CAND1: variants seen among roughly 807,000 people sequenced by gnomAD.
The protein encoded by CAND1 is cullin-associated NEDD8-dissociated protein 1.
CAND1 carries 7 observed loss-of-function variants against 108.5 expected under a neutral mutation model. The observed-to-expected ratio is 0.06, with a 90% CI of 0.04 to 0.12. The LOEUF is 0.12. Ranked by LOEUF, CAND1 falls within the 10% of genes least tolerant of loss-of-function variation. The pLI, the probability that CAND1 is intolerant of heterozygous loss-of-function variation, is 1.00. For missense variants in CAND1, 941 were observed against 1,448.7 expected (o/e 0.65, Z 5.69); for synonymous variants, 534 against 512.0 (o/e 1.04, Z -0.58).
chr12:67,287,310 A>T (rs1379443274), intron 2 of CAND1, among the ~76,000 whole-genome samples: 1 of 152,188 alleles, frequency 6.6e-6, no homozygotes, highest in Non-Finnish European at 1.5e-5. Flanking sequence ...TCTCAAGAGT[A>T]GTTTAGTTTT....
rs1337057372 is a variant in CAND1, at chr12:67,299,061, A to G, written c.966A>G (p.Ala322=). The change falls in exon 7 of 15, where the codon GCA becomes GCG. Residue 322 remains alanine (A), a synonymous_variant. Coordinates refer to ENST00000545606, the MANE Select transcript of CAND1 (RefSeq NM_018448.5). ...NYDDEDEDEN[A]MDADGGDDDD... ...ATGATGAAGATGAAGATGAAAATGCAATGGATGCTGATGGTGGTGATGATG... is the reference window on the plus strand; with the variant it reads ...ATGATGAAGATGAAGATGAAAATGCGATGGATGCTGATGGTGGTGATGATG... 1 of 1,521,434 alleles carries G rather than the reference A, an allele frequency of 6.6e-7. No homozygotes were observed. The highest frequency in any genetic ancestry group is 1.4e-5 in the African/African-American group (1 of 72,438). 94.2% of individuals were successfully genotyped at this position (1,521,434 alleles called of 1,614,324 possible). A position where few individuals can be genotyped will look rare whatever the true frequency, so the allele number is the denominator to read the frequency against.
At position 67,315,046 on chromosome 12, in the gene CAND1, G is replaced by A. The variant is rs1565733285; in HGVS notation, c.*2216G>A. On this transcript the variant is annotated 3_prime_UTR_variant, in exon 15 of 15. Coordinates refer to ENST00000545606, the MANE Select transcript of CAND1 (RefSeq NM_018448.5). The stretch of plus-strand genomic sequence containing the variant: ...TAGTAATATTAAGGTGTTAAACTTA[G>A]GAATTTGTCACATGTAGGTTCCTGA... 1 of 152,182 alleles carries A rather than the reference G, an allele frequency of 6.6e-6. No homozygotes were observed. The highest frequency in any genetic ancestry group is 2.1e-4 in the South Asian group (1 of 4,832). The allele number at this position is 152,182 out of a possible 1,614,324, so 9.4% of individuals were successfully genotyped here.
At chr12:67,276,918 GT>G (rs1274300516) in intron 1 of CAND1, among the ~76,000 whole-genome samples, 2 of 152,168 alleles carry the variant, frequency 1.3e-5, no homozygotes, top group Non-Finnish European at 1.5e-5. Context: ...CGGAGATTTT[GT>G]TAAGATCAGA....
chr12:67,279,084 C>T (rs1281703985), intron 1 of CAND1, among the ~76,000 whole-genome samples: 1 of 151,864 alleles, frequency 6.6e-6, no homozygotes, highest in Non-Finnish European at 1.5e-5. Context: ...AGCCTATATT[C>T]CCATCATCTT....
rs749743582 is a variant in CAND1, at chr12:67,306,555, C to T, written c.2887C>T (p.Pro963Ser). 6.2e-7 allele frequency: 1 copy of T among 1,613,682 alleles called. No individual in the cohort carries two copies. The highest frequency in any genetic ancestry group is 1.1e-5 in the South Asian group (1 of 91,036). ...ECLGKLTLID[P>S]ETLLPRLKGY... Reference sequence around the variant, plus strand: ...TCTAGGAAAACTCACTCTAATTGATCCAGAAACTCTCCTTCCACGGCTTAA... The same window carrying T: ...TCTAGGAAAACTCACTCTAATTGATTCAGAAACTCTCCTTCCACGGCTTAA... Residue 963 changes from proline to serine, a missense_variant, in exon 10 of 15, where the codon CCA (proline) becomes TCA (serine). Physicochemically the swap from Pro to Ser is moderately conservative, Grantham distance 74. Coordinates refer to ENST00000545606, the MANE Select transcript of CAND1 (RefSeq NM_018448.5).
chr12:67,298,317 C>CCTTCT, intron 6 of CAND1, among the ~76,000 whole-genome samples: 1 of 152,168 alleles, frequency 6.6e-6, no homozygotes, highest in African/African-American at 2.4e-5. Context: ...TACTAGAAGG[C>CCTTCT]AATACAAGAT....
chr12:67,271,777 G>A (rs2044522931), intron 1 of CAND1, among the ~76,000 whole-genome samples: 1 of 152,138 alleles, frequency 6.6e-6, no homozygotes, highest in Non-Finnish European at 1.5e-5. Context: ...GTATATTTAG[G>A]AGCAGTACGT....
At chr12:67,270,982 C>T (rs2044515995) in intron 1 of CAND1, among the ~76,000 whole-genome samples, 1 of 152,046 alleles carries the variant, frequency 6.6e-6, no homozygotes, top group Non-Finnish European at 1.5e-5. Flanking sequence ...AAGAACTTTT[C>T]GGATTTGTGA....
In CAND1 at chr12:67,312,646, A is replaced by T; in HGVS notation, c.3509A>T (p.Asp1170Val). 6.2e-7 allele frequency: 1 copy of T among 1,611,924 alleles called. No homozygotes were observed. The highest frequency in any genetic ancestry group is 1.1e-5 in the South Asian group (1 of 90,600). The change falls in exon 15 of 15, where the codon GAT (aspartate) becomes GTT (valine). Residue 1170 changes from aspartate to valine, a missense_variant. Coordinates refer to ENST00000545606, the MANE Select transcript of CAND1 (RefSeq NM_018448.5). ...NSVKQEFEKQ[D>V]ELKRSAMRAV... ...GTAAAGCAGGAGTTTGAAAAACAAG[A>T]TGAATTAAAGCGATCTGCCATGAGA...
rs569164592 is a variant in CAND1 at position 67,306,151 on chromosome 12, C to A, written c.2483C>A (p.Ser828Ter). Residue 828 changes from serine (S) to a stop codon, truncating the protein, a stop_gained, in exon 10 of 15, where the codon TCA becomes TAA. Transcript: ENST00000545606. LOFTEE classifies it high-confidence loss of function. ...CAGTTTATTCAAGATGTCAAGAACT[C>A]AAGGTCTACAGATTCCATTCGTCTC... ...VGQFIQDVKN[S>*]RSTDSIRLLA... 1 of 1,614,094 alleles carries A rather than the reference C, an allele frequency of 6.2e-7. No homozygotes were observed. The highest frequency in any genetic ancestry group is 1.3e-5 in the African/African-American group (1 of 75,040).
chr12:67,277,112 A>G (rs1011525037), intron 1 of CAND1, among the ~76,000 whole-genome samples: 4 of 152,194 alleles, frequency 2.6e-5, no homozygotes, highest in Non-Finnish European at 5.9e-5. Flanking sequence ...CTTTCCTGCT[A>G]GCTCATCCTT....
intron 2 of CAND1, among the ~76,000 whole-genome samples, chr12:67,289,785 C>A (rs1250654271): frequency 2.6e-5 from 4 of 152,138 alleles, no homozygotes; most frequent in Non-Finnish European, 5.9e-5. Flanking sequence ...TTTCAGTTAT[C>A]ACTGTCTTCA....
chr12:67,269,485 C>CGAACAGCTCA lies in CAND1; in HGVS notation c.-233_-232insGAACAGCTCA. 1.9e-6 allele frequency: 1 copy of CGAACAGCTCA among 522,986 alleles called. No homozygotes were observed. The highest frequency in any genetic ancestry group is 2.4e-5 in the South Asian group (1 of 40,824). The allele number at this position is 522,986 out of a possible 1,614,324, so 32.4% of individuals were successfully genotyped here. A position where few individuals can be genotyped will look rare whatever the true frequency, so the allele number is the denominator to read the frequency against. ...TGAGCTCGTTCTCACGCGAACAGCG[C>CGAACAGCTCA]CGTCGTTAGGCTGGCTCTGTAGCCT... is the stretch of plus-strand genomic sequence containing the variant. On this transcript the variant is annotated 5_prime_UTR_variant, in exon 1 of 15. The change abolishes the stop of an existing upstream ORF in the 5' untranslated region. Coordinates refer to ENST00000545606, the MANE Select transcript of CAND1 (RefSeq NM_018448.5).
chr12:67,286,371 A>G (rs1417333912), intron 2 of CAND1, among the ~76,000 whole-genome samples: 2 of 152,118 alleles, frequency 1.3e-5, no homozygotes, highest in African/African-American at 4.8e-5. Context: ...CTTTTTATGA[A>G]AACGCCAAAT....
chr12:67,302,946 C>A (rs2044840406), intron 8 of CAND1, among the ~76,000 whole-genome samples: 1 of 152,088 alleles, frequency 6.6e-6, no homozygotes, highest in African/African-American at 2.4e-5. Context: ...GGTGTGTGAT[C>A]TTGGGCAAGT....
intron 1 of CAND1, 195 bp downstream of exon 1, chr12:67,269,980 C>T: frequency 1.8e-6 from 1 of 548,288 alleles, no homozygotes; most frequent in South Asian, 2.5e-5. Flanking sequence ...CCCCTCCCCC[C>T]ATTCTTTCTC....
In CAND1 at chr12:67,302,423, G is replaced by C. The variant is rs745532609; in HGVS notation, c.1101G>C (p.Met367Ile). The C allele has an allele frequency of 6.2e-7, 1 of 1,614,012 alleles. No individual in the cohort carries two copies. The highest frequency in any genetic ancestry group is 1.3e-5 in the African/African-American group (1 of 74,938). Reference sequence around the variant, plus strand: ...CTGTAGTTAGCACAAGGCATGAAATGCTTCCAGAATTCTACAAGACCGTCT... The same window carrying C: ...CTGTAGTTAGCACAAGGCATGAAATCCTTCCAGAATTCTACAAGACCGTCT... ...LDAVVSTRHE[M>I]LPEFYKTVSP... The change falls in exon 8 of 15, where the codon ATG becomes ATC. Residue 367 changes from methionine (M) to isoleucine (I), a missense_variant. Transcript: ENST00000545606.
chr12:67,274,879 T>C (rs1359418780), intron 1 of CAND1, among the ~76,000 whole-genome samples: 1 of 152,172 alleles, frequency 6.6e-6, no homozygotes, highest in Non-Finnish European at 1.5e-5. Flanking sequence ...ACCTTAGAGA[T>C]CCTATCATAT....
chr12:67,272,458 A>G (rs1413182819), intron 1 of CAND1, among the ~76,000 whole-genome samples: 1 of 152,222 alleles, frequency 6.6e-6, no homozygotes, highest in Non-Finnish European at 1.5e-5. Context: ...CAGAGAAGGT[A>G]AAGAAATGAA....
Sources: gnomAD v4.1 joint callset for allele counts (sites outside exome capture counted in the v4.1 genomes callset) on GRCh38, gnomAD v4.1.1 for gene constraint, MANE v1.5 for transcripts, NCBI Gene and HGNC (gene_info 2026-07-23, HGNC 2026-07-21) for gene names.